KIF2A: variants seen among roughly 807,000 people sequenced by gnomAD.
The protein encoded by KIF2A is kinesin family member 2A, also known as kinesin-like protein KIF2A.
In KIF2A, 22 loss-of-function variants were observed where a neutral mutation model predicts 100.2. The observed-to-expected ratio is 0.22, with a 90% CI of 0.16 to 0.31. KIF2A has a LOEUF of 0.31. Ranked by LOEUF, KIF2A falls within the 10% of genes least tolerant of loss-of-function variation. The pLI is 1.00. For missense variants in KIF2A, 495 were observed against 898.7 expected (o/e 0.55, Z 5.74); for synonymous variants, 268 against 285.9 (o/e 0.94, Z 0.63).
intron 19 of KIF2A, among the ~76,000 whole-genome samples, chr5:62,380,611 A>G (rs899356058): frequency 1.3e-5 from 2 of 152,190 alleles, no homozygotes; most frequent in Admixed American, 1.3e-4. Context: ...CAATAACATA[A>G]AAGTCTATGA....
chr5:62,312,532 GTTTA>G (rs372825914), intron 1 of KIF2A, among the ~76,000 whole-genome samples: 13 of 151,990 alleles, frequency 8.6e-5, no homozygotes, highest in African/African-American at 2.7e-4. Flanking sequence ...TAAGGTGTTT[GTTTA>G]TTTGTTTGTT....
chr5:62,365,060 C>G (rs965039287), intron 14 of KIF2A, among the ~76,000 whole-genome samples, 183 bp from the exon 15 acceptor site: 6 of 152,022 alleles, frequency 3.9e-5, no homozygotes, highest in Non-Finnish European at 5.9e-5. Flanking sequence ...GCCACCACAC[C>G]CCAGCCTGGG....
At chr5:62,366,258 TATG>T (rs1440361036) in intron 15 of KIF2A, among the ~76,000 whole-genome samples, 153 bp from the exon 16 acceptor site, 1 of 152,200 alleles carries the variant, frequency 6.6e-6, no homozygotes, top group Admixed American at 6.5e-5. Flanking sequence ...TGATTATAGA[TATG>T]ATAACAAATA....
At chr5:62,361,374 G>GT (rs1748398561) in intron 10 of KIF2A, 42 bp downstream of exon 10, 1 of 1,492,180 alleles carries the variant, frequency 6.7e-7, no homozygotes, top group South Asian at 1.1e-5. Flanking sequence ...CGAAGCTACA[G>GT]TTTCTTTTCC....
intron 19 of KIF2A, 88 bp from the exon 20 acceptor site, chr5:62,381,030 A>C: frequency 1.1e-6 from 1 of 932,854 alleles, no homozygotes; most frequent in African/African-American, 1.7e-5. Context: ...TACTATCTTA[A>C]GTATGTTTGA....
chr5:62,362,484 C>T lies in KIF2A; in HGVS notation c.1062C>T (p.Asn354=). 6.8e-7 allele frequency: 1 copy of T among 1,463,760 alleles called. No homozygotes were observed. Among genetic ancestry groups the T allele is most frequent in the Non-Finnish European group, 9.0e-7 (1 of 1,109,402 alleles). 90.7% of individuals were successfully genotyped at this position (1,463,760 alleles called of 1,614,324 possible). A position where few individuals can be genotyped will look rare whatever the true frequency, so the allele number is the denominator to read the frequency against. Residue 354 remains asparagine (N), a synonymous_variant, in exon 12 of 21, where the codon AAC becomes AAT. Coordinates refer to ENST00000407818, the MANE Select transcript of KIF2A (RefSeq NM_001098511.3). The stretch of plus-strand genomic sequence containing the variant: ...TCTTTTTAATGCTAAAGAAGCCAAA[C>T]TATAAGAAGCTAGAACTTCAAGTAT... ...RDVFLMLKKP[N]YKKLELQVYA...
chr5:62,346,132 GTAA>G (rs1747553935), intron 1 of KIF2A, among the ~76,000 whole-genome samples: 2 of 151,002 alleles, frequency 1.3e-5, no homozygotes, highest in Non-Finnish European at 2.9e-5. Flanking sequence ...GAAATATTAT[GTAA>G]TAATTAAAAA....
chr5:62,345,002 TA>T (rs1273844687), intron 1 of KIF2A, among the ~76,000 whole-genome samples: 2 of 152,192 alleles, frequency 1.3e-5, no homozygotes. Context: ...TCCCAGCACT[TA>T]TGGAGGCCAA....
rs1327598007 is a variant in KIF2A at position 62,310,595 on chromosome 5, C to CTGTTACTACTAA, written c.64+4059_64+4060insTGTTACTACTAA. Among the ~76,000 whole-genome samples the CTGTTACTACTAA allele has an allele frequency of 5.2e-3, 794 of 152,288 alleles. 8 individuals are homozygous for CTGTTACTACTAA. The highest frequency in any genetic ancestry group is 0.018 in the African/African-American group (747 of 41,554). ...ACTCTGGCCCTCTACTTCCCGCTGGCCTGTTAGTCAGGAACTACAGCGTTA... is the reference window on the plus strand; with the variant it reads ...ACTCTGGCCCTCTACTTCCCGCTGGCTGTTACTACTAACTGTTAGTCAGGAACTACAGCGTTA... On this transcript the variant is annotated intron_variant, in intron 1 of 20. Coordinates refer to ENST00000407818, the MANE Select transcript of KIF2A (RefSeq NM_001098511.3).
At chr5:62,372,594 C>CT (rs766646518) in intron 17 of KIF2A, 43 bp downstream of exon 17, 1 of 1,090,592 alleles carries the variant, frequency 9.2e-7, no homozygotes, top group South Asian at 1.4e-5. Context: ...TGTATACTTT[C>CT]TTTTGAATTG....
At chr5:62,351,690 A>G (rs1188014004) in intron 4 of KIF2A, among the ~76,000 whole-genome samples, 1 of 152,084 alleles carries the variant, frequency 6.6e-6, no homozygotes, top group Non-Finnish European at 1.5e-5. Flanking sequence ...ATTTAATTTT[A>G]TATTCTTTTT....
intron 2 of KIF2A, 143 bp from the exon 3 acceptor site, chr5:62,347,905 T>C: frequency 1.3e-6 from 1 of 787,350 alleles, no homozygotes. Flanking sequence ...ATTACAGGCA[T>C]GAGCCACTGC....
At chr5:62,374,669 G>A (rs184288606) in intron 18 of KIF2A, among the ~76,000 whole-genome samples, 5 of 152,190 alleles carry the variant, frequency 3.3e-5, no homozygotes, top group African/African-American at 9.6e-5. Context: ...AGCCAGGCGC[G>A]GTGTCTCACG....
chr5:62,349,465 A>G (rs1328784424), intron 3 of KIF2A, among the ~76,000 whole-genome samples: 2 of 152,082 alleles, frequency 1.3e-5, no homozygotes, highest in East Asian at 3.9e-4. Flanking sequence ...ATCCAAGGTT[A>G]AGACAGCTAC....
intron 5 of KIF2A, 110 bp from the exon 6 acceptor site, chr5:62,353,165 G>A: frequency 1.8e-6 from 1 of 555,174 alleles, no homozygotes; most frequent in Non-Finnish European, 3.1e-6. Context: ...GGCATGCTTT[G>A]TCACTGTGTA....
rs1325076279 is a variant in KIF2A at position 62,351,592 on chromosome 5, A to G, written c.335-996A>G. ...GATGGACAGAAGTATTAAATGAGAG[A>G]TTGGAAGTGGAGGGACAGTCCTTCA... On this transcript the variant is annotated intron_variant, in intron 4 of 20. Coordinates refer to ENST00000407818, the MANE Select transcript of KIF2A (RefSeq NM_001098511.3). Among the ~76,000 whole-genome samples the G allele has an allele frequency of 3.3e-5, 5 of 152,222 alleles. No individual in the cohort carries two copies. In the East Asian group the frequency reaches 9.6e-4, roughly 29 times the overall value.
At chr5:62,375,608 A>G (rs1323880310) in intron 18 of KIF2A, among the ~76,000 whole-genome samples, 1 of 152,216 alleles carries the variant, frequency 6.6e-6, no homozygotes, top group Non-Finnish European at 1.5e-5. Context: ...TAGTTCTAAT[A>G]CTTTGTAGCA....
At chr5:62,310,223 T>C (rs900596226) in intron 1 of KIF2A, among the ~76,000 whole-genome samples, 7 of 151,954 alleles carry the variant, frequency 4.6e-5, no homozygotes, top group African/African-American at 1.7e-4. Flanking sequence ...CCGGCTAATT[T>C]TTGTATTTTT....
rs765280623 is a variant in KIF2A, at chr5:62,388,993, TTC to T, written c.*3426_*3427del. 46 of 1,603,114 alleles carry T rather than the reference TTC, an allele frequency of 2.9e-5. No individual in the cohort carries two copies. Among genetic ancestry groups the T allele is most frequent in the Non-Finnish European group, 3.5e-5 (41 of 1,175,214 alleles). ...CATTTCTTTTCTTGACCTTGAAAAT[TTC>T]TGTTTTCCAAATACCTAGGAAAAAT... On this transcript the variant is annotated 3_prime_UTR_variant, in exon 21 of 21. Transcript: ENST00000407818.
Sources: gnomAD v4.1 joint callset for allele counts (sites outside exome capture counted in the v4.1 genomes callset) on GRCh38, gnomAD v4.1.1 for gene constraint, MANE v1.5 for transcripts, NCBI Gene and HGNC (gene_info 2026-07-23, HGNC 2026-07-21) for gene names.